Variants in AGPAT5 observed in about 807,000 individuals in gnomAD.
AGPAT5 encodes 1-acylglycerol-3-phosphate O-acyltransferase 5, also known as 1-acyl-sn-glycerol-3-phosphate acyltransferase epsilon.
In AGPAT5, 46 loss-of-function variants were observed where a neutral mutation model predicts 45.6. That is an observed-to-expected ratio of 1.01 (90% confidence interval 0.80 to 1.29). The LOEUF is 1.29. Among genes scored for constraint, AGPAT5 ranks in the 50% most tolerant of loss-of-function variants. AGPAT5 has a pLI of 0.00. For synonymous variants in AGPAT5, 272 were observed against 167.0 expected (o/e 1.63, Z -4.85); for missense variants, 673 against 450.7 (o/e 1.49, Z -4.47).
chr8:6,730,916 C>A, intron 3 of AGPAT5, 90 bp downstream of exon 3: 1 of 794,286 alleles, frequency 1.3e-6, no homozygotes, highest in African/African-American at 1.9e-5. Context: ...ATTGCTCAGG[C>A]TGAGTGCAGT....
At chr8:6,752,838 C>T (rs989461318) in intron 6 of AGPAT5, among the ~76,000 whole-genome samples, 3 of 152,100 alleles carry the variant, frequency 2.0e-5, no homozygotes, top group Non-Finnish European at 4.4e-5. Flanking sequence ...AGTATTTATA[C>T]CACTTATTTC....
chr8:6,715,002 A>G (rs150503690), intron 1 of AGPAT5, among the ~76,000 whole-genome samples: 9 of 152,288 alleles, frequency 5.9e-5, no homozygotes, highest in East Asian at 5.8e-4. Flanking sequence ...GGACCATTCA[A>G]TAGTAAGTAA....
chr8:6,743,099 T>C (rs1311459846), intron 5 of AGPAT5, among the ~76,000 whole-genome samples: 1 of 152,228 alleles, frequency 6.6e-6, no homozygotes, highest in Non-Finnish European at 1.5e-5. Flanking sequence ...CCTAGACTTC[T>C]GTGGGGCTGT....
At chr8:6,750,740 C>G (rs1462501885) in intron 6 of AGPAT5, among the ~76,000 whole-genome samples, 5 of 144,772 alleles carry the variant, frequency 3.5e-5, no homozygotes, top group Non-Finnish European at 7.5e-5. Context: ...TTTTTTTAAT[C>G]CATTAGATTG....
intron 5 of AGPAT5, among the ~76,000 whole-genome samples, chr8:6,745,534 T>G (rs1801413866): frequency 6.6e-6 from 1 of 152,222 alleles, no homozygotes; most frequent in African/African-American, 2.4e-5. Context: ...TTTATACCTT[T>G]ATAACCAGGA....
At chr8:6,720,057 A>C (rs1424239124) in intron 1 of AGPAT5, among the ~76,000 whole-genome samples, 1 of 152,176 alleles carries the variant, frequency 6.6e-6, no homozygotes, top group African/African-American at 2.4e-5. Flanking sequence ...CATTCTGGGG[A>C]ACTCATGCTT....
At chr8:6,752,595 A>C (rs1327305346) in intron 6 of AGPAT5, among the ~76,000 whole-genome samples, 1 of 152,116 alleles carries the variant, frequency 6.6e-6, no homozygotes, top group Admixed American at 6.6e-5. Flanking sequence ...CAGCAAGTAG[A>C]CCTGTGACCT....
At chr8:6,742,912 C>G (rs1027418177) in intron 5 of AGPAT5, among the ~76,000 whole-genome samples, 1 of 152,176 alleles carries the variant, frequency 6.6e-6, no homozygotes, top group African/African-American at 2.4e-5. Context: ...ATAGACATGA[C>G]GTTCTGTCAT....
chr8:6,726,720 C>A (rs1437853201), intron 2 of AGPAT5, among the ~76,000 whole-genome samples: 1 of 152,160 alleles, frequency 6.6e-6, no homozygotes, highest in East Asian at 1.9e-4. Flanking sequence ...CCATACTGAC[C>A]TGAATTTCAT....
Position 6,760,373 on chromosome 8 carries a change from A to G in AGPAT5, c.*2985A>G, listed in dbSNP as rs567335713. Among the ~76,000 whole-genome samples, 1 of 152,166 alleles carries G rather than the reference A, an allele frequency of 6.6e-6. No homozygotes were observed. The highest frequency in any genetic ancestry group is 2.4e-5 in the African/African-American group (1 of 41,434). On this transcript the variant is annotated 3_prime_UTR_variant, in exon 8 of 8. Transcript: ENST00000285518. ...TGGACATACCACTGCACTACAGCCT[A>G]GGTAACAGCACGAGACCCCAACTCT...
chr8:6,723,758 C>A (rs1259394186), intron 1 of AGPAT5, among the ~76,000 whole-genome samples: 2 of 152,170 alleles, frequency 1.3e-5, no homozygotes, highest in African/African-American at 4.8e-5. Context: ...GTAATGGAAA[C>A]CTTTGTCACA....
chr8:6,738,688 C>G (rs1801138032), intron 4 of AGPAT5: 1 of 152,202 alleles, frequency 6.6e-6, no homozygotes, highest in Admixed American at 6.5e-5. Context: ...GAGCCTGTCA[C>G]TCCTAAGAAT....
At chr8:6,749,777 A>G (rs1279712138) in intron 6 of AGPAT5, among the ~76,000 whole-genome samples, 1 of 152,242 alleles carries the variant, frequency 6.6e-6, no homozygotes, top group Non-Finnish European at 1.5e-5. Context: ...ATAACCAATG[A>G]AAAACAGATA....
rs1443896890 is a variant in AGPAT5, at chr8:6,708,700, C to G, written c.32C>G (p.Ser11Cys). Residue 11 changes from serine to cysteine, a missense_variant, in exon 1 of 8, where the codon TCC (serine) becomes TGC (cysteine). Physicochemically the swap from Ser to Cys is moderately radical, Grantham distance 112 (BLOSUM62 -1). Transcript: ENST00000285518. MLLSLVLHTY[S>C]MRYLLPSVVL... ...CTGTCCCTGGTGCTCCACACGTACT[C>G]CATGCGCTACCTGCTGCCCAGCGTC... The G allele has an allele frequency of 1.2e-6, 2 of 1,604,536 alleles. No individual in the cohort carries two copies. The highest frequency in any genetic ancestry group is 2.2e-5 in the East Asian group (1 of 44,818).
intron 7 of AGPAT5, 49 bp from the exon 8 acceptor site, chr8:6,757,114 T>G: frequency 7.0e-7 from 1 of 1,421,538 alleles, no homozygotes; most frequent in Non-Finnish European, 9.7e-7. Flanking sequence ...TTTTTTGAAT[T>G]GAAATACTGA....
At chr8:6,748,979 A>C (rs561895129) in intron 6 of AGPAT5, among the ~76,000 whole-genome samples, 7 of 152,240 alleles carry the variant, frequency 4.6e-5, no homozygotes, top group Non-Finnish European at 1.0e-4. Context: ...CAAAACATTT[A>C]TAAAAGTAGA....
chr8:6,753,028 A>G (rs190987410), intron 6 of AGPAT5, among the ~76,000 whole-genome samples: 23 of 152,294 alleles, frequency 1.5e-4, no homozygotes, highest in African/African-American at 5.1e-4. Flanking sequence ...TCATCTTACA[A>G]GGAGATAATA....
chr8:6,745,523 A>G (rs1801413192), intron 5 of AGPAT5, among the ~76,000 whole-genome samples: 1 of 152,170 alleles, frequency 6.6e-6, no homozygotes, highest in Non-Finnish European at 1.5e-5. Context: ...TTTTGACATT[A>G]TTTATACCTT....
chr8:6,740,914 G>C (rs942278356), intron 4 of AGPAT5, among the ~76,000 whole-genome samples: 3 of 152,122 alleles, frequency 2.0e-5, no homozygotes, highest in Non-Finnish European at 2.9e-5. Context: ...TCTTTTGGCT[G>C]TCAATCAAAG....
Sources: gnomAD v4.1 joint callset for allele counts (sites outside exome capture counted in the v4.1 genomes callset) on GRCh38, gnomAD v4.1.1 for gene constraint, MANE v1.5 for transcripts, NCBI Gene and HGNC (gene_info 2026-07-23, HGNC 2026-07-21) for gene names.